IL1RAPL1: variants seen among roughly 807,000 people sequenced by gnomAD.
IL1RAPL1 encodes interleukin-1 receptor accessory protein-like 1.
IL1RAPL1 carries 3 observed loss-of-function variants against 48.4 expected under a neutral mutation model. That is an observed-to-expected ratio of 0.06 (90% CI 0.03 to 0.16). IL1RAPL1 has a LOEUF of 0.16. Among genes scored for constraint, IL1RAPL1 ranks in the 10% least tolerant of loss-of-function variants. The pLI is 1.00. For missense variants in IL1RAPL1, 349 were observed against 530.6 expected (o/e 0.66, Z 3.36); for synonymous variants, 185 against 187.7 (o/e 0.99, Z 0.12).
intron 2 of IL1RAPL1, among the ~76,000 whole-genome samples, chrX:28,808,569 G>C (rs1471836387): frequency 9.0e-6 from 1 of 110,645 alleles, no homozygotes; most frequent in African/African-American, 3.3e-5. Context: ...TGCTTTATGG[G>C]ATTATGTAGT....
chrX:29,313,831 A>G (rs2147620837), intron 3 of IL1RAPL1, among the ~76,000 whole-genome samples: 1 of 112,187 alleles, frequency 8.9e-6, no homozygotes, highest in South Asian at 3.7e-4. Flanking sequence ...ATCCATTCAT[A>G]TCAAAACCTT....
chrX:29,298,767 TATAGTAGTG>T (rs1302100419), intron 3 of IL1RAPL1, among the ~76,000 whole-genome samples: 1 of 112,025 alleles, frequency 8.9e-6, no homozygotes, highest in Non-Finnish European at 1.9e-5. Context: ...CAAAGCCTTA[TATAGTAGTG>T]ATACTGAATT....
chrX:29,550,160 A>G (rs1921756209), intron 5 of IL1RAPL1, among the ~76,000 whole-genome samples: 1 of 111,519 alleles, frequency 9.0e-6, no homozygotes, highest in Admixed American at 9.5e-5. Flanking sequence ...AAAAAGCATC[A>G]CTAATTTAAT....
At chrX:28,814,204 G>A (rs1410981032) in intron 2 of IL1RAPL1, among the ~76,000 whole-genome samples, 1 of 110,832 alleles carries the variant, frequency 9.0e-6, no homozygotes, top group Non-Finnish European at 1.9e-5. Context: ...GTTGAGCTGT[G>A]TGGAAGGTTG....
chrX:29,947,320 G>A (rs750175683), intron 9 of IL1RAPL1, among the ~76,000 whole-genome samples: 33 of 111,434 alleles, frequency 3.0e-4, no homozygotes, highest in Admixed American at 1.2e-3. Flanking sequence ...AGTGTAAAAT[G>A]GTTTTTGTTG....
intron 2 of IL1RAPL1, among the ~76,000 whole-genome samples, chrX:29,279,995 G>A (rs1259099998): frequency 9.0e-6 from 1 of 111,683 alleles, no homozygotes; most frequent in African/African-American, 3.3e-5. Flanking sequence ...CTGCTAACTT[G>A]AAGGTATTTC....
intron 1 of IL1RAPL1, among the ~76,000 whole-genome samples, chrX:28,657,690 T>C (rs759438045): frequency 4.1e-4 from 46 of 112,477 alleles, no homozygotes; most frequent in Middle Eastern, 4.6e-3. Context: ...TGTTGGATTA[T>C]GGCAGTTGGA....
chrX:29,220,238 A>G (rs1231891626), intron 2 of IL1RAPL1, among the ~76,000 whole-genome samples: 1 of 112,358 alleles, frequency 8.9e-6, no homozygotes, highest in African/African-American at 3.2e-5. Context: ...ACCAATTTAT[A>G]TATTTTGCTG....
chrX:28,975,450 G>T (rs943137276), intron 2 of IL1RAPL1, among the ~76,000 whole-genome samples: 1 of 111,740 alleles, frequency 8.9e-6, no homozygotes, highest in African/African-American at 3.3e-5. Context: ...TACAAAACCT[G>T]GTACAAATGT....
At chrX:28,961,009 C>CAA (rs397947609) in intron 2 of IL1RAPL1, among the ~76,000 whole-genome samples, 8,640 of 17,315 alleles carry the variant, frequency 0.5, 3,154 homozygotes, top group Non-Finnish European at 0.53. Context: ...GACTCCGTCT[C>CAA]AAAAAAAAAA....
intron 5 of IL1RAPL1, among the ~76,000 whole-genome samples, chrX:29,493,023 G>A (rs1158683033): frequency 2.7e-5 from 3 of 111,828 alleles, no homozygotes; most frequent in African/African-American, 9.7e-5. Flanking sequence ...TTATTTTTCA[G>A]TGAAAATTGA....
At chrX:29,288,318 C>T (rs753117435) in intron 3 of IL1RAPL1, among the ~76,000 whole-genome samples, 1 of 110,461 alleles carries the variant, frequency 9.1e-6, no homozygotes, top group African/African-American at 3.3e-5. Flanking sequence ...CCCACCTGCC[C>T]AGCCCCAGCA....
chrX:29,164,306 T>C (rs1929743866), intron 2 of IL1RAPL1, among the ~76,000 whole-genome samples: 1 of 111,848 alleles, frequency 8.9e-6, no homozygotes, highest in African/African-American at 3.2e-5. Context: ...ATTCATTTTG[T>C]ATCCCCAGAT....
At chrX:28,643,429 A>G (rs764056332) in intron 1 of IL1RAPL1, among the ~76,000 whole-genome samples, 6 of 111,459 alleles carry the variant, frequency 5.4e-5, no homozygotes, top group Non-Finnish European at 7.5e-5. Flanking sequence ...CATCACGTCT[A>G]CAATATCCTA....
At chrX:29,809,452 G>A (rs1470201453) in intron 6 of IL1RAPL1, among the ~76,000 whole-genome samples, 1 of 110,966 alleles carries the variant, frequency 9.0e-6, no homozygotes, top group East Asian at 2.8e-4. Flanking sequence ...TGATCCTGCA[G>A]AAAATTTGCA....
intron 2 of IL1RAPL1, among the ~76,000 whole-genome samples, chrX:29,080,997 T>TTTCTTTCTTTCTTTCTTTCTTTCC (rs1927811609): frequency 2.2e-5 from 1 of 46,386 alleles, no homozygotes; most frequent in African/African-American, 9.2e-5. Flanking sequence ...TCTTTCTTTC[T>TTTCTTTCTTTCTTTCTTTCTTTCC]CTCTCTCTCT....
At chrX:28,701,161 C>T (rs902724365) in intron 1 of IL1RAPL1, among the ~76,000 whole-genome samples, 3 of 111,622 alleles carry the variant, frequency 2.7e-5, no homozygotes, top group Non-Finnish European at 5.7e-5. Flanking sequence ...CTAATTTACA[C>T]TCCCACCAAC....
At chrX:29,221,176 T>C (rs1930967219) in intron 2 of IL1RAPL1, among the ~76,000 whole-genome samples, 1 of 112,015 alleles carries the variant, frequency 8.9e-6, no homozygotes, top group Non-Finnish European at 1.9e-5. Flanking sequence ...GAACTACTGG[T>C]TAACATAGAT....
chrX:28,895,343 C>T (rs1255866963), intron 2 of IL1RAPL1, among the ~76,000 whole-genome samples: 2 of 108,974 alleles, frequency 1.8e-5, no homozygotes, highest in African/African-American at 3.4e-5. Context: ...CTTTTCAAAG[C>T]GTGCTGTGGG....
Sources: gnomAD v4.1 joint callset for allele counts (sites outside exome capture counted in the v4.1 genomes callset) on GRCh38, gnomAD v4.1.1 for gene constraint, MANE v1.5 for transcripts, NCBI Gene and HGNC (gene_info 2026-07-23, HGNC 2026-07-21) for gene names.